The following SCN8A variants were observed in gnomAD, a reference collection of about 807,000 sequenced individuals.
The protein encoded by SCN8A is sodium voltage-gated channel alpha subunit 8, also known as sodium channel protein type 8 subunit alpha.
SCN8A carries 30 observed loss-of-function variants against 184.1 expected under a neutral mutation model. That is an observed-to-expected ratio of 0.16 (90% CI 0.12 to 0.22). SCN8A has a LOEUF of 0.22. SCN8A is among the 10% of genes least tolerant of loss of function. SCN8A has a pLI of 1.00. For missense variants in SCN8A, 1,057 were observed against 2,498.9 expected, an observed-to-expected ratio of 0.42 and a Z score of 12.30; for synonymous variants, 852 against 907.0, an observed-to-expected ratio of 0.94 and a Z score of 1.09.
intron 6 of SCN8A, among the ~76,000 whole-genome samples, chr12:51,697,106 C>T (rs1941608461): frequency 6.6e-6 from 1 of 151,412 alleles, no homozygotes; most frequent in African/African-American, 2.4e-5. Context: ...GGCCAGAATA[C>T]CAGCTTTCTG....
chr12:51,791,164 CCTT>C (rs1938239168), intron 25 of SCN8A, among the ~76,000 whole-genome samples: 2 of 152,110 alleles, frequency 1.3e-5, no homozygotes, highest in Admixed American at 6.6e-5. Flanking sequence ...GCCCAAAGTT[CCTT>C]CTTCTGTAAC....
chr12:51,793,511 A>G (rs1396609638), intron 25 of SCN8A, among the ~76,000 whole-genome samples: 5 of 152,220 alleles, frequency 3.3e-5, no homozygotes, highest in Non-Finnish European at 5.9e-5. Context: ...AAGCTTAAGC[A>G]TAAGTACATA....
intron 1 of SCN8A, among the ~76,000 whole-genome samples, chr12:51,636,252 T>C (rs2138623747): frequency 6.6e-6 from 1 of 152,344 alleles, no homozygotes; most frequent in Non-Finnish European, 1.5e-5. Context: ...TGCCTCGGCC[T>C]CCCAAAGTGC....
At position 51,774,260 on chromosome 12, in the gene SCN8A, C is replaced by T. The variant is rs564177314; in HGVS notation, c.3717C>T (p.Phe1239=). 6.2e-7 allele frequency: 1 copy of T among 1,614,166 alleles called. No homozygotes were observed. Among genetic ancestry groups the T allele is most frequent in the Non-Finnish European group, 8.5e-7 (1 of 1,179,992 alleles). Reference sequence around the variant, plus strand: ...TCCTGGAATATGCTGACAAAGTCTTCACCTATATCTTCATCCTGGAGATGT... The same window carrying T: ...TCCTGGAATATGCTGACAAAGTCTTTACCTATATCTTCATCCTGGAGATGT... ...RTILEYADKV[F]TYIFILEMLL... The change falls in exon 20 of 27, where the codon TTC becomes TTT. Residue 1239 remains phenylalanine (F), a synonymous_variant. Transcript: ENST00000627620.
intron 1 of SCN8A, among the ~76,000 whole-genome samples, chr12:51,661,605 A>T (rs1055785054): frequency 3.9e-5 from 6 of 152,168 alleles, no homozygotes; most frequent in African/African-American, 1.4e-4. Flanking sequence ...AAAAGGGGAA[A>T]GAACAATCTT....
intron 9 of SCN8A, among the ~76,000 whole-genome samples, chr12:51,704,940 A>G (rs1273403357): frequency 6.6e-6 from 1 of 152,066 alleles, no homozygotes. Flanking sequence ...GTGCCATCAC[A>G]CTCCAGCCTA....
At chr12:51,752,068 T>G (rs1016704084) in intron 14 of SCN8A, among the ~76,000 whole-genome samples, 2 of 152,166 alleles carry the variant, frequency 1.3e-5, no homozygotes, top group African/African-American at 4.8e-5. Context: ...TGGGGACTAT[T>G]TATGGGAAAG....
intron 12 of SCN8A, among the ~76,000 whole-genome samples, chr12:51,726,830 G>A (rs1346258341): frequency 6.6e-6 from 1 of 152,154 alleles, no homozygotes; most frequent in Non-Finnish European, 1.5e-5. Flanking sequence ...AGAAGGTGGG[G>A]CTCCTTCTAA....
intron 1 of SCN8A, among the ~76,000 whole-genome samples, chr12:51,644,860 A>G (rs1940533315): frequency 6.7e-6 from 1 of 150,080 alleles, no homozygotes; most frequent in African/African-American, 2.5e-5. Flanking sequence ...CCCGTCTGAG[A>G]AGTGAGGAGA....
chr12:51,672,548 A>G (rs1371660025), intron 2 of SCN8A, among the ~76,000 whole-genome samples: 4 of 152,006 alleles, frequency 2.6e-5, no homozygotes, highest in African/African-American at 9.7e-5. Context: ...CAGTTGGCAC[A>G]TTCTCCCTGG....
intron 11 of SCN8A, among the ~76,000 whole-genome samples, chr12:51,710,765 C>G (rs1209280032): frequency 6.6e-6 from 1 of 152,198 alleles, no homozygotes; most frequent in Non-Finnish European, 1.5e-5. Context: ...ATCTTCCTTT[C>G]AAGAAACCTT....
chr12:51,738,692 T>A (rs1264870696), intron 12 of SCN8A, among the ~76,000 whole-genome samples: 1 of 152,238 alleles, frequency 6.6e-6, no homozygotes, highest in Non-Finnish European at 1.5e-5. Flanking sequence ...GAAGTAGATA[T>A]AACAATTTGA....
intron 6 of SCN8A, among the ~76,000 whole-genome samples, chr12:51,695,881 T>C (rs955768250): frequency 6.6e-6 from 1 of 152,170 alleles, no homozygotes; most frequent in Non-Finnish European, 1.5e-5. Flanking sequence ...AAGGTGACCT[T>C]GTACAGACAT....
chr12:51,730,404 A>G (rs936809005), intron 12 of SCN8A, among the ~76,000 whole-genome samples: 2 of 152,208 alleles, frequency 1.3e-5, no homozygotes, highest in East Asian at 1.9e-4. Flanking sequence ...GCTTATGCCA[A>G]TATACATTTG....
chr12:51,752,891 T>C (rs1942617749), intron 14 of SCN8A, among the ~76,000 whole-genome samples: 1 of 152,194 alleles, frequency 6.6e-6, no homozygotes, highest in South Asian at 2.1e-4. Flanking sequence ...ATTTTTATTG[T>C]TGATGTTGGT....
intron 14 of SCN8A, 108 bp from the exon 15 acceptor site, chr12:51,762,391 TTAAC>T (rs878870447): frequency 2.2e-5 from 22 of 1,011,986 alleles, no homozygotes; most frequent in African/African-American, 3.3e-5. Context: ...GATGCAGAAT[TTAAC>T]TAAGGTTAAC....
intron 1 of SCN8A, among the ~76,000 whole-genome samples, chr12:51,605,136 G>A (rs1401636989): frequency 6.6e-6 from 1 of 152,000 alleles, no homozygotes; most frequent in Non-Finnish European, 1.5e-5. Context: ...TTCCCCATAA[G>A]TTATTGGGGT....
At chr12:51,756,225 A>G (rs73299706) in intron 14 of SCN8A, among the ~76,000 whole-genome samples, 2,574 of 152,140 alleles carry the variant, frequency 0.017, 84 homozygotes, top group African/African-American at 0.059. Flanking sequence ...GTCTGTGTGA[A>G]CACTCCTGGA....
chr12:51,787,897 G>T (rs181063317), intron 22 of SCN8A, among the ~76,000 whole-genome samples: 2 of 152,236 alleles, frequency 1.3e-5, no homozygotes, highest in African/African-American at 2.4e-5. Flanking sequence ...AATTGAATCC[G>T]CATTGGAGCA....
Sources: gnomAD v4.1 joint callset for allele counts (sites outside exome capture counted in the v4.1 genomes callset) on GRCh38, gnomAD v4.1.1 for gene constraint, MANE v1.5 for transcripts, NCBI Gene and HGNC (gene_info 2026-07-23, HGNC 2026-07-21) for gene names.